The following CPNE4 variants were observed in gnomAD, a reference collection of about 807,000 sequenced individuals.
The protein encoded by CPNE4 is copine 4, also known as copine-4.
Under a neutral mutation model 67.9 loss-of-function variants are expected in CPNE4, and 25 were observed. The ratio of observed to expected loss-of-function variants is 0.37; its 90% CI spans 0.27 to 0.51. The LOEUF (loss-of-function observed/expected upper bound fraction) is 0.51, where lower values mean the gene tolerates loss of function less well. Among genes scored for constraint, CPNE4 ranks in the 20% least tolerant of loss-of-function variants. The pLI is 0.93. For synonymous variants in CPNE4, 242 were observed against 244.9 expected, an observed-to-expected ratio of 0.99 and a Z score of 0.11; for missense variants, 464 against 690.8, an observed-to-expected ratio of 0.67 and a Z score of 3.68.
rs1430040050 is a variant in CPNE4 at position 132,034,860 on chromosome 3, AGTTAACTC to A, written c.-303_-296del. ...TGTTGGAGATGTCAGGTCGGCTCTC[AGTTAACTC>A]GGAGAGTAAAGAGGAGGGTACTGAG... is the stretch of plus-strand genomic sequence containing the variant. On this transcript the variant is annotated 5_prime_UTR_variant, in exon 1 of 16. Coordinates refer to ENST00000429747, the MANE Select transcript of CPNE4 (RefSeq NM_130808.3). The A allele has an allele frequency of 7.9e-5, 78 of 985,408 alleles. No homozygotes were observed. Among genetic ancestry groups the A allele is most frequent in the African/African-American group, 1.2e-4 (7 of 57,298 alleles). 61.0% of individuals were successfully genotyped at this position (985,408 alleles called of 1,614,324 possible). A position where few individuals can be genotyped will look rare whatever the true frequency, so the allele number is the denominator to read the frequency against.
intron 2 of CPNE4, among the ~76,000 whole-genome samples, chr3:131,884,567 T>C (rs1583401307): frequency 1.3e-5 from 2 of 152,202 alleles, no homozygotes; most frequent in African/African-American, 2.4e-5. Context: ...TCCGCTCATA[T>C]TGACTATATG....
intron 1 of CPNE4, among the ~76,000 whole-genome samples, chr3:131,955,418 T>TTTTTTTTTG (rs1560674340): frequency 2.5e-5 from 3 of 121,146 alleles, no homozygotes; most frequent in Non-Finnish European, 5.1e-5. Flanking sequence ...AGGTTTTTTT[T>TTTTTTTTTG]TTTTTTTTTT....
intron 7 of CPNE4, among the ~76,000 whole-genome samples, chr3:131,598,856 C>G (rs1465073373): frequency 3.4e-5 from 5 of 149,196 alleles, no homozygotes; most frequent in African/African-American, 7.6e-5. Flanking sequence ...CCCACCCCCC[C>G]GCCAAAAAAA....
chr3:131,884,393 C>T (rs956722558), intron 2 of CPNE4, among the ~76,000 whole-genome samples: 4 of 152,124 alleles, frequency 2.6e-5, no homozygotes, highest in Non-Finnish European at 5.9e-5. Flanking sequence ...GACCAAATGT[C>T]AGAGATGGAG....
At chr3:131,585,228 C>A (rs1427290892) in intron 8 of CPNE4, among the ~76,000 whole-genome samples, 3 of 152,134 alleles carry the variant, frequency 2.0e-5, no homozygotes, top group Non-Finnish European at 4.4e-5. Context: ...TGCATTTTAA[C>A]TTTTTAAATT....
At chr3:132,024,691 A>G (rs2074079819) in intron 1 of CPNE4, among the ~76,000 whole-genome samples, 2 of 152,228 alleles carry the variant, frequency 1.3e-5, no homozygotes, top group African/African-American at 4.8e-5. Flanking sequence ...ACCAAAGTCT[A>G]GTACAGCACA....
intron 1 of CPNE4, among the ~76,000 whole-genome samples, chr3:131,939,357 G>A (rs1430281783): frequency 6.6e-6 from 1 of 151,576 alleles, no homozygotes; most frequent in Non-Finnish European, 1.5e-5. Context: ...GAAAAAAAAT[G>A]AAGCAGCAAA....
intron 1 of CPNE4, among the ~76,000 whole-genome samples, chr3:131,945,740 C>T (rs1047476783): frequency 6.6e-6 from 1 of 152,138 alleles, no homozygotes; most frequent in Non-Finnish European, 1.5e-5. Context: ...CTATTTCTCT[C>T]CTGGCATCTC....
chr3:131,964,370 A>G (rs2107929377), intron 1 of CPNE4, among the ~76,000 whole-genome samples: 1 of 152,182 alleles, frequency 6.6e-6, no homozygotes, highest in South Asian at 2.1e-4. Context: ...ATGGAGAATA[A>G]GTTTGACAAA....
At chr3:131,557,815 G>C (rs1936544908) in intron 11 of CPNE4, among the ~76,000 whole-genome samples, 1 of 151,964 alleles carries the variant, frequency 6.6e-6, no homozygotes, top group South Asian at 2.1e-4. Flanking sequence ...GAAGAGATCT[G>C]TGCGGGGGAT....
chr3:131,856,023 G>T (rs919414381), intron 2 of CPNE4, among the ~76,000 whole-genome samples: 3 of 151,850 alleles, frequency 2.0e-5, no homozygotes, highest in Admixed American at 6.6e-5. Flanking sequence ...CAGGTATTTT[G>T]CTCAGACTGG....
intron 7 of CPNE4, among the ~76,000 whole-genome samples, chr3:131,627,349 CCATTGCT>C (rs1204695150): frequency 3.9e-5 from 6 of 151,984 alleles, no homozygotes; most frequent in African/African-American, 1.5e-4. Context: ...ACTGTGAGAC[CCATTGCT>C]CAGAAGTAGA....
intron 2 of CPNE4, among the ~76,000 whole-genome samples, chr3:131,893,870 C>T (rs577578425): frequency 5.9e-5 from 9 of 151,590 alleles, no homozygotes; most frequent in East Asian, 1.9e-4. Flanking sequence ...GAAAGATTTC[C>T]GATAAACAAC....
chr3:131,564,740 C>T (rs757551064), intron 10 of CPNE4, among the ~76,000 whole-genome samples: 6 of 152,070 alleles, frequency 3.9e-5, no homozygotes, highest in East Asian at 1.9e-4. Flanking sequence ...TCCATCTACG[C>T]GGCATAGGTA....
intron 3 of CPNE4, among the ~76,000 whole-genome samples, chr3:131,722,302 A>G (rs1337546177): frequency 6.6e-6 from 1 of 152,176 alleles, no homozygotes; most frequent in Non-Finnish European, 1.5e-5. Flanking sequence ...TCTTTGAGAA[A>G]AAAAGTACAA....
chr3:132,018,955 CA>C (rs1343311154), intron 1 of CPNE4, among the ~76,000 whole-genome samples: 1 of 152,182 alleles, frequency 6.6e-6, no homozygotes, highest in Non-Finnish European at 1.5e-5. Flanking sequence ...TGCACTTGAG[CA>C]ACCACCAAAA....
intron 7 of CPNE4, among the ~76,000 whole-genome samples, chr3:131,647,287 G>C (rs918175010): frequency 6.6e-6 from 1 of 152,182 alleles, no homozygotes; most frequent in Non-Finnish European, 1.5e-5. Flanking sequence ...AGCCATCCCA[G>C]TAAATCTTAC....
At chr3:131,952,329 A>G (rs1207723012) in intron 1 of CPNE4, among the ~76,000 whole-genome samples, 2 of 145,156 alleles carry the variant, frequency 1.4e-5, no homozygotes, top group Non-Finnish European at 3.0e-5. Flanking sequence ...CTGCCTGGCA[A>G]CCACCCCGTC....
chr3:131,633,633 AAAGAT>A (rs1259082285), intron 7 of CPNE4, among the ~76,000 whole-genome samples: 33 of 152,350 alleles, frequency 2.2e-4, no homozygotes, highest in Admixed American at 1.3e-3. Flanking sequence ...AAGTGACAAT[AAAGAT>A]AAGTATTAGA....
Sources: gnomAD v4.1 joint callset for allele counts (sites outside exome capture counted in the v4.1 genomes callset) on GRCh38, gnomAD v4.1.1 for gene constraint, MANE v1.5 for transcripts, NCBI Gene and HGNC (gene_info 2026-07-23, HGNC 2026-07-21) for gene names.